Variants in DNAH10 observed in about 807,000 individuals in gnomAD.
DNAH10 encodes the protein axonemal beta dynein heavy chain 10.
DNAH10 carries 348 observed loss-of-function variants against 506.6 expected under a neutral mutation model. That is an observed-to-expected ratio of 0.69 (90% CI 0.63 to 0.75). The LOEUF is 0.75. Ranked by LOEUF, DNAH10 falls within the 30% of genes least tolerant of loss-of-function variation. The pLI, the probability that DNAH10 is intolerant of heterozygous loss-of-function variation, is 0.00. For missense variants in DNAH10, 5,179 were observed against 5,787.1 expected (o/e 0.89, Z 3.41); for synonymous variants, 2,059 against 2,198.6 (o/e 0.94, Z 1.78).
At position 123,928,805 on chromosome 12, in the gene DNAH10, A is replaced by G. The variant is rs1276136944; in HGVS notation, c.12306+218A>G. 3.4e-6 allele frequency: 2 copies of G among 588,340 alleles called. No homozygotes were observed. Among genetic ancestry groups the G allele is most frequent in the Admixed American group, 6.3e-5 (2 of 31,792 alleles). 36.4% of individuals were successfully genotyped at this position (588,340 alleles called of 1,614,324 possible). ...GTGACTCCCAGGCCTATCTCTACCA[A>G]TTCTGCATGTGTCCCTAACAATATC... On this transcript the variant is annotated intron_variant, in intron 70 of 78. Coordinates refer to ENST00000673944, the MANE Select transcript of DNAH10 (RefSeq NM_001372106.1). The surrounding 1 kb of genome is among the most constrained non-coding windows in gnomAD (Gnocchi z 4.9).
At chr12:123,795,397 C>T (rs1282993811) in intron 12 of DNAH10, among the ~76,000 whole-genome samples, 3 of 152,076 alleles carry the variant, frequency 2.0e-5, no homozygotes, top group Non-Finnish European at 4.4e-5. Context: ...GGGTTTAAAT[C>T]GAGGTGTGAG....
chr12:123,782,993 G>T, intron 6 of DNAH10, 114 bp from the exon 7 acceptor site: 1 of 864,344 alleles, frequency 1.2e-6, no homozygotes, highest in Non-Finnish European at 1.9e-6. Context: ...GGATGCGTCA[G>T]ACCTTATTAT....
chr12:123,820,786 T>G (rs1959315577), intron 24 of DNAH10, 28 bp downstream of exon 24: 3 of 1,610,772 alleles, frequency 1.9e-6, no homozygotes, highest in Non-Finnish European at 2.5e-6. Context: ...AGCGAAGGAC[T>G]CAGGCTCACT....
Position 123,925,416 on chromosome 12 carries a change from G to A in DNAH10, c.11921+212G>A. 1.9e-6 allele frequency: 1 copy of A among 517,764 alleles called. No individual in the cohort carries two copies. Among genetic ancestry groups the A allele is most frequent in the Non-Finnish European group, 3.1e-6 (1 of 319,446 alleles). The allele number at this position is 517,764 out of a possible 1,614,324, so 32.1% of individuals were successfully genotyped here. On this transcript the variant is annotated intron_variant, in intron 68 of 78. Transcript: ENST00000673944. This position sits in a 1 kb window ranked among gnomAD's most constrained non-coding sequence, Gnocchi z 4.0. ...AAATTCAGTGTGAGCCACATATGCA[G>A]TTTCGAAAGTTCTAGTAGCTACATT...
At chr12:123,929,868 G>A in intron 72 of DNAH10, 109 bp downstream of exon 72, 1 of 955,464 alleles carries the variant, frequency 1.0e-6, no homozygotes, top group Admixed American at 2.4e-5. Context: ...CTGCCCCTGT[G>A]TTCCCCTTGG....
chr12:123,833,274 G>T lies in DNAH10; in HGVS notation c.4706G>T (p.Arg1569Ile). Reference sequence around the variant, plus strand: ...AACCTGCAGAGCATCTCAGGAAGCAGATTTGTGGGGCCTTTTCTGCAAACT... The same window carrying T: ...AACCTGCAGAGCATCTCAGGAAGCATATTTGTGGGGCCTTTTCTGCAAACT... ...TFNLQSISGS[R>I]FVGPFLQTVH... Residue 1569 changes from arginine to isoleucine, a missense_variant, in exon 27 of 79, where the codon AGA becomes ATA. Physicochemically the swap from Arg to Ile is moderately conservative, Grantham distance 97 (BLOSUM62 -3). This residue lies in a region of DNAH10 where 4,844 missense variants were observed against 5,430.5 expected (regional missense o/e 0.89). Coordinates refer to ENST00000673944, the MANE Select transcript of DNAH10 (RefSeq NM_001372106.1). 1 of 1,613,908 alleles carries T rather than the reference G, an allele frequency of 6.2e-7. No individual in the cohort carries two copies. The highest frequency in any genetic ancestry group is 1.3e-5 in the African/African-American group (1 of 75,060).
At position 123,805,520 on chromosome 12, in the gene DNAH10, C is replaced by T. The variant is rs1958633386; in HGVS notation, c.2987+480C>T. Reference sequence around the variant, plus strand: ...CTGGGCCTCACCCTCAGCAGCTCAGCCAGACCAGCTGGAAGCTGAGTGCCT... The same window carrying T: ...CTGGGCCTCACCCTCAGCAGCTCAGTCAGACCAGCTGGAAGCTGAGTGCCT... On this transcript the variant is annotated intron_variant, in intron 18 of 78. Coordinates refer to ENST00000673944, the MANE Select transcript of DNAH10 (RefSeq NM_001372106.1). Among the ~76,000 whole-genome samples the T allele has an allele frequency of 3.3e-5, 5 of 152,216 alleles. No individual in the cohort carries two copies. The South Asian group carries it at 1.0e-3, about 32-fold the overall frequency.
chr12:123,848,746 T>C lies in DNAH10; in HGVS notation c.5966T>C (p.Phe1989Ser), dbSNP rs748973175. Residue 1989 changes from phenylalanine to serine, a missense_variant, in exon 34 of 79, where the codon TTC becomes TCC. Phe to Ser is a radical substitution (Grantham distance 155, BLOSUM62 -2). Around this residue, in one of 3 missense-constraint regions of DNAH10, gnomAD observed 4,844 missense variants for 5,430.5 expected, o/e 0.89. Transcript: ENST00000673944. ...GMDYRAVGKI[F>S]SGLAQCGAWG... The stretch of plus-strand genomic sequence containing the variant: ...TCTTCCTAGGCCGTGGGGAAGATTT[T>C]CTCTGGCCTGGCACAGTGCGGGGCT... 189 of 1,613,896 alleles carry C rather than the reference T, an allele frequency of 1.2e-4. No individual in the cohort carries two copies. Among genetic ancestry groups the C allele is most frequent in the Non-Finnish European group, 1.5e-4 (182 of 1,179,906 alleles).
At chr12:123,898,507 A>G (rs1207235020) in intron 55 of DNAH10, 146 bp from the exon 56 acceptor site, 8 of 1,042,400 alleles carry the variant, frequency 7.7e-6, no homozygotes, top group Admixed American at 3.2e-5. Context: ...TGTCCCAAGT[A>G]TGGCAGTGGA....
In DNAH10 at chr12:123,783,246, A is replaced by C. The variant is rs770708447; in HGVS notation, c.981A>C (p.Gln327His). ...AGATATCCACAGCGGTTGAGGCCCA[A>C]CTGAAGAAGACACCTCAGGTAGTTT... Reference protein sequence around the residue: ...LNQISTAVEAQLKKTPQGKGP... With the variant: ...LNQISTAVEAHLKKTPQGKGP... Residue 327 changes from glutamine to histidine, a missense_variant, in exon 7 of 79, where the codon CAA becomes CAC. Gln to His is a conservative substitution (Grantham distance 24). Coordinates refer to ENST00000673944, the MANE Select transcript of DNAH10 (RefSeq NM_001372106.1). The C allele has an allele frequency of 3.7e-6, 6 of 1,613,908 alleles. No individual in the cohort carries two copies. The South Asian group carries it at 6.6e-5, about 18-fold the overall frequency.
chr12:123,918,130 AAAATACCAGGAG>A (rs1283472498), intron 64 of DNAH10, among the ~76,000 whole-genome samples: 1 of 152,228 alleles, frequency 6.6e-6, no homozygotes, highest in Non-Finnish European at 1.5e-5. Context: ...CAGGACTTCA[AAAATACCAGGAG>A]GACCTGGTTT....
chr12:123,788,814 C>T (rs1957963900), intron 10 of DNAH10, among the ~76,000 whole-genome samples: 1 of 149,094 alleles, frequency 6.7e-6, no homozygotes, highest in Admixed American at 6.7e-5. Context: ...TAGTCCCAGC[C>T]ACTCAGAAGG....
Position 123,859,274 on chromosome 12 carries a change from TATG to T in DNAH10, c.6749+8_6749+10del, listed in dbSNP as rs762600053. On this transcript the variant is annotated splice_region_variant and intron_variant, in intron 38 of 78. Transcript: ENST00000673944. ...CTGTGTCAGGCCCAGACCAAGTGAG[TATG>T]ACCTCCGTAGGGAGGGCCTGGCTGC... 1 of 1,588,408 alleles carries T rather than the reference TATG, an allele frequency of 6.3e-7. No individual in the cohort carries two copies. The highest frequency in any genetic ancestry group is 1.8e-5 in the Admixed American group (1 of 54,822).
rs775135416 is a variant in DNAH10 at position 123,932,099 on chromosome 12, C to T, written c.13287C>T (p.Tyr4429=). 6.2e-7 allele frequency: 1 copy of T among 1,613,626 alleles called. No individual in the cohort carries two copies. Among genetic ancestry groups the T allele is most frequent in the South Asian group, 1.1e-5 (1 of 91,052 alleles). Residue 4429 remains tyrosine (Y), a synonymous_variant, in exon 76 of 79, where the codon TAC becomes TAT. Transcript: ENST00000673944. ...ACTTCCTGCGGCGGTTCAGCCAGTA[C>T]ATGTTGTGGGTAAGTGGCACGTCAC... ...MVYFLRRFSQ[Y]MLWVTESEPS...
In DNAH10 at chr12:123,875,324, A is replaced by G. The variant is rs776158315; in HGVS notation, c.8032A>G (p.Lys2678Glu). 1.2e-6 allele frequency: 2 copies of G among 1,613,910 alleles called. No homozygotes were observed. Among genetic ancestry groups the G allele is most frequent in the Non-Finnish European group, 1.7e-6 (2 of 1,179,836 alleles). ...TGACCGTGGGAAGGAGCTGAACTGTAAAAGCATTCGAGACCTTGGCTTTAT... is the reference window on the plus strand; with the variant it reads ...TGACCGTGGGAAGGAGCTGAACTGTGAAAGCATTCGAGACCTTGGCTTTAT... Reference protein sequence around the residue: ...LYDRGKELNCKSIRDLGFIAA... With the variant: ...LYDRGKELNCESIRDLGFIAA... The change falls in exon 47 of 79, where the codon AAA becomes GAA. Residue 2678 changes from lysine (K) to glutamate (E), a missense_variant. Lys to Glu is a moderately conservative substitution (Grantham distance 56). Around this residue, in one of 3 missense-constraint regions of DNAH10, gnomAD observed 4,844 missense variants for 5,430.5 expected, o/e 0.89. Transcript: ENST00000673944.
chr12:123,902,910 C>T lies in DNAH10; in HGVS notation c.9641-29C>T, dbSNP rs759247994. Reference sequence around the variant, plus strand: ...CGAGTGCATCTCCTCTGAGCCCAAGCTTTACTCACCCCCTGTCCTACCCTG... The same window carrying T: ...CGAGTGCATCTCCTCTGAGCCCAAGTTTTACTCACCCCCTGTCCTACCCTG... On this transcript the variant is annotated intron_variant, in intron 56 of 78. Coordinates refer to ENST00000673944, the MANE Select transcript of DNAH10 (RefSeq NM_001372106.1). This position sits in a 1 kb window ranked among gnomAD's most constrained non-coding sequence, Gnocchi z 4.5. The T allele has an allele frequency of 6.4e-7, 1 of 1,557,538 alleles. No individual in the cohort carries two copies. Among genetic ancestry groups the T allele is most frequent in the South Asian group, 1.2e-5 (1 of 83,748 alleles).
chr12:123,798,516 G>C (rs1474399083), intron 13 of DNAH10, among the ~76,000 whole-genome samples: 1 of 152,090 alleles, frequency 6.6e-6, no homozygotes, highest in East Asian at 1.9e-4. Flanking sequence ...CCGCCTTCGT[G>C]ATCCAGTTGC....
At chr12:123,874,997 A>G (rs1952194545) in intron 46 of DNAH10, among the ~76,000 whole-genome samples, 1 of 152,208 alleles carries the variant, frequency 6.6e-6, no homozygotes, top group Non-Finnish European at 1.5e-5. Context: ...GTCAACACCT[A>G]TGCAGTTCCT....
At chr12:123,889,397 G>A (rs1426536522) in intron 52 of DNAH10, among the ~76,000 whole-genome samples, 2 of 152,178 alleles carry the variant, frequency 1.3e-5, no homozygotes, top group African/African-American at 4.8e-5. Flanking sequence ...TTGAGAGGGG[G>A]GATCGGGTCA....
Sources: gnomAD v4.1 joint callset for allele counts (sites outside exome capture counted in the v4.1 genomes callset) on GRCh38, gnomAD v4.1.1 for gene constraint, gnomAD v4.1.1 regional missense constraint, Gnocchi (gnomAD v3.1) non-coding constraint, MANE v1.5 for transcripts, NCBI Gene and HGNC (gene_info 2026-07-23, HGNC 2026-07-21) for gene names.